The following SPSB4 variants were observed in gnomAD, a reference collection of about 807,000 sequenced individuals.
SPSB4 encodes the protein SPRY domain-containing SOCS box protein 4.
SPSB4 carries 21 observed loss-of-function variants against 20.9 expected under a neutral mutation model. The ratio of observed to expected loss-of-function variants is 1.01; its 90% CI spans 0.71 to 1.45. The LOEUF is 1.45. SPSB4 is among the 40% of genes most tolerant of loss of function. The pLI is 0.00. For missense variants in SPSB4, 399 were observed against 399.2 expected (o/e 1.00, Z 0.00); for synonymous variants, 207 against 183.8 (o/e 1.13, Z -1.02).
intron 2 of SPSB4, among the ~76,000 whole-genome samples, chr3:141,071,848 A>G (rs1938012042): frequency 6.6e-6 from 1 of 152,250 alleles, no homozygotes; most frequent in Admixed American, 6.5e-5. Flanking sequence ...TTGATCTGCC[A>G]ACAAGTATTT....
At chr3:141,057,578 G>A (rs1047888358) in intron 1 of SPSB4, among the ~76,000 whole-genome samples, 4 of 152,090 alleles carry the variant, frequency 2.6e-5, no homozygotes, top group Non-Finnish European at 5.9e-5. Context: ...AGGGACACCC[G>A]GCCCCTGCTC....
chr3:141,053,871 G>A (rs564277832), intron 1 of SPSB4, among the ~76,000 whole-genome samples: 22 of 151,952 alleles, frequency 1.4e-4, no homozygotes, highest in Non-Finnish European at 3.2e-4. Context: ...ATGATCCCAG[G>A]GGTCCTCAGG....
intron 2 of SPSB4, among the ~76,000 whole-genome samples, chr3:141,108,488 G>A (rs1374536911): frequency 6.6e-6 from 1 of 152,192 alleles, no homozygotes; most frequent in African/African-American, 2.4e-5. Flanking sequence ...TTAATTTTTA[G>A]TGGATAGACC....
intron 2 of SPSB4, among the ~76,000 whole-genome samples, chr3:141,087,524 C>T (rs1938368105): frequency 6.6e-6 from 1 of 152,084 alleles, no homozygotes; most frequent in South Asian, 2.1e-4. Flanking sequence ...TTGTAGGGTC[C>T]CAGTGACGTC....
chr3:141,136,338 G>T (rs1939227836), intron 2 of SPSB4, among the ~76,000 whole-genome samples: 1 of 152,138 alleles, frequency 6.6e-6, no homozygotes, highest in South Asian at 2.1e-4. Context: ...AAGCTCTTTA[G>T]TTTAATTAGA....
intron 2 of SPSB4, among the ~76,000 whole-genome samples, chr3:141,094,950 T>C (rs1203838032): frequency 6.6e-6 from 1 of 151,952 alleles, no homozygotes; most frequent in Non-Finnish European, 1.5e-5. Context: ...ATTTTCTCAG[T>C]GGCTGCACTG....
At chr3:141,088,113 T>C (rs1023423651) in intron 2 of SPSB4, among the ~76,000 whole-genome samples, 2 of 152,078 alleles carry the variant, frequency 1.3e-5, no homozygotes, top group Non-Finnish European at 2.9e-5. Context: ...TTCCATCTGG[T>C]CCTGAAACTC....
intron 1 of SPSB4, among the ~76,000 whole-genome samples, chr3:141,054,202 C>G (rs1305136548): frequency 2.6e-5 from 4 of 152,194 alleles, no homozygotes; most frequent in Admixed American, 1.3e-4. Context: ...AGCTGCCCGA[C>G]CTGTTGTCAC....
intron 2 of SPSB4, among the ~76,000 whole-genome samples, chr3:141,097,837 T>C (rs1353542591): frequency 6.6e-6 from 1 of 152,178 alleles, no homozygotes; most frequent in Admixed American, 6.5e-5. Context: ...GAAAGTGTAA[T>C]TACCAATAAT....
chr3:141,126,925 G>GC (rs1384105417), intron 2 of SPSB4, among the ~76,000 whole-genome samples: 1 of 152,200 alleles, frequency 6.6e-6, no homozygotes, highest in Non-Finnish European at 1.5e-5. Context: ...CTCCAATACA[G>GC]CCCCCCATGC....
chr3:141,101,614 T>C lies in SPSB4; in HGVS notation c.694+34816T>C, dbSNP rs369611591. ...TTCTCCTAAGGATTAAATAATAGAA[T>C]GGGTATAAACTGCCCAGGACGGTGC... On this transcript the variant is annotated intron_variant, in intron 2 of 2. Transcript: ENST00000310546. 1.3e-4 allele frequency among the ~76,000 whole-genome samples: 20 copies of C among 152,320 alleles called. 1 individual carries two copies. The highest frequency in any genetic ancestry group is 4.8e-4 in the African/African-American group (20 of 41,574).
intron 2 of SPSB4, among the ~76,000 whole-genome samples, chr3:141,089,018 A>T (rs1938401319): frequency 6.6e-6 from 1 of 152,198 alleles, no homozygotes; most frequent in Non-Finnish European, 1.5e-5. Flanking sequence ...GCCACACTGA[A>T]CTTACCAGTG....
chr3:141,135,487 C>A (rs540418480), intron 2 of SPSB4, among the ~76,000 whole-genome samples: 138 of 151,158 alleles, frequency 9.1e-4, no homozygotes, highest in Middle Eastern at 3.4e-3. Flanking sequence ...CTAATGATAT[C>A]CCCCCTCCCC....
chr3:141,113,530 C>G lies in SPSB4; in HGVS notation c.695-33612C>G, dbSNP rs1252916730. On this transcript the variant is annotated intron_variant, in intron 2 of 2. Coordinates refer to ENST00000310546, the MANE Select transcript of SPSB4 (RefSeq NM_080862.3). ...AAAACATTGTGCTAAGTGAAAGAAACCTGATACAAAAGGTCTCATTATATG... is the reference window on the plus strand; with the variant it reads ...AAAACATTGTGCTAAGTGAAAGAAAGCTGATACAAAAGGTCTCATTATATG... 2.0e-5 allele frequency among the ~76,000 whole-genome samples: 3 copies of G among 152,134 alleles called. No homozygotes were observed. In the East Asian group the frequency reaches 5.8e-4, roughly 29 times the overall value.
intron 2 of SPSB4, among the ~76,000 whole-genome samples, chr3:141,120,871 C>T (rs1221111125): frequency 6.6e-6 from 1 of 152,126 alleles, no homozygotes; most frequent in African/African-American, 2.4e-5. Context: ...ATCCAATTTG[C>T]CAGTCTGTGC....
At chr3:141,097,573 T>C (rs534953836) in intron 2 of SPSB4, among the ~76,000 whole-genome samples, 1 of 152,124 alleles carries the variant, frequency 6.6e-6, no homozygotes, top group Non-Finnish European at 1.5e-5. Flanking sequence ...TTTCCCATAT[T>C]CTTGATCCTC....
chr3:141,097,590 A>G (rs1938563698), intron 2 of SPSB4, among the ~76,000 whole-genome samples: 1 of 152,048 alleles, frequency 6.6e-6, no homozygotes, highest in Non-Finnish European at 1.5e-5. Context: ...CCTCTCTGAG[A>G]ACTATCTCCT....
At chr3:141,112,412 G>A (rs1037532051) in intron 2 of SPSB4, among the ~76,000 whole-genome samples, 20 of 151,830 alleles carry the variant, frequency 1.3e-4, no homozygotes, top group Non-Finnish European at 2.4e-4. Flanking sequence ...TTGGGAGGCC[G>A]AGGCGGGCGG....
Position 141,051,817 on chromosome 3 carries a change from G to GTC in SPSB4, c.-329_-328insTC, listed in dbSNP as rs1936095411. On this transcript the variant is annotated 5_prime_UTR_variant, in exon 1 of 3. Transcript: ENST00000310546. ...CATCCTGCAGCGCAGAGGGGGCGCT[G>GTC]CTGCCGGGCATCAGCCGTGAGGACG... 6.6e-6 allele frequency: 1 copy of GTC among 152,186 alleles called. No homozygotes were observed. The highest frequency in any genetic ancestry group is 2.4e-5 in the African/African-American group (1 of 41,446). 9.4% of individuals were successfully genotyped at this position (152,186 alleles called of 1,614,324 possible).
Sources: allele counts gnomAD v4.1 joint callset (sites outside exome capture counted in the v4.1 genomes callset), GRCh38; gene constraint gnomAD v4.1.1; transcripts MANE v1.5; gene names NCBI Gene and HGNC (gene_info 2026-07-23, HGNC 2026-07-21).